The following DTX3L variants were observed in gnomAD, a reference collection of about 807,000 sequenced individuals.
The protein encoded by DTX3L is E3 ubiquitin-protein ligase DTX3L.
Under a neutral mutation model 60.9 loss-of-function variants are expected in DTX3L, and 34 were observed. That is an observed-to-expected ratio of 0.56 (90% CI 0.42 to 0.74). The LOEUF (loss-of-function observed/expected upper bound fraction) is 0.74. DTX3L is among the 30% of genes least tolerant of loss of function. DTX3L has a pLI of 0.00. For missense variants in DTX3L, 810 were observed against 874.0 expected (o/e 0.93, Z 0.92); for synonymous variants, 290 against 316.6 (o/e 0.92, Z 0.89).
At position 122,571,763 on chromosome 3, in the gene DTX3L, ATGTCTTAAAT is replaced by A. The variant is rs1559905485; in HGVS notation, c.*17_*26del. On this transcript the variant is annotated 3_prime_UTR_variant, in exon 5 of 5. Coordinates refer to ENST00000296161, the MANE Select transcript of DTX3L (RefSeq NM_138287.3). Reference sequence around the variant, plus strand: ...AATTGAGTAAGACAACTGCTGGAAGATGTCTTAAATCAAGCTTTCAAAAAAATATATTTTA... The same window carrying A: ...AATTGAGTAAGACAACTGCTGGAAGACAAGCTTTCAAAAAAATATATTTTA... 1 of 1,600,432 alleles carries A rather than the reference ATGTCTTAAAT, an allele frequency of 6.2e-7. No homozygotes were observed.
chr3:122,571,544 A>C (rs1407754116), intron 4 of DTX3L, 134 bp from the exon 5 acceptor site: 1 of 661,144 alleles, frequency 1.5e-6, no homozygotes, highest in African/African-American at 1.8e-5. Context: ...AAAAGTCATG[A>C]TACGTCATCC....
rs1395617091 is a variant in DTX3L at position 122,565,891 on chromosome 3, C to G, written c.220C>G (p.Gln74Glu). The change falls in exon 2 of 5, where the codon CAA becomes GAA. Residue 74 changes from glutamine (Q) to glutamate (E), a missense_variant. Coordinates refer to ENST00000296161, the MANE Select transcript of DTX3L (RefSeq NM_138287.3). ...GAGAGTGTTGAAAAAAGGAGAGCAC[C>G]AAATACTTGTTGACGAAAAACCTGT... Reference protein sequence around the residue: ...KERVLKKGEHQILVDEKPVPI... With the variant: ...KERVLKKGEHEILVDEKPVPI... 3 of 1,613,944 alleles carry G rather than the reference C, an allele frequency of 1.9e-6. No homozygotes were observed. The Admixed American group carries it at 5.0e-5, about 27-fold the overall frequency.
At chr3:122,567,071 G>A (rs140043736) in intron 2 of DTX3L, among the ~76,000 whole-genome samples, 1 of 152,294 alleles carries the variant, frequency 6.6e-6, no homozygotes, top group East Asian at 1.9e-4. Flanking sequence ...CCCAAGAGCT[G>A]ACATTTTGAG....
In DTX3L at chr3:122,572,089, A is replaced by G. The variant is rs925953811; in HGVS notation, c.*342A>G. The G allele has an allele frequency of 5.4e-6, 1 of 184,408 alleles. No individual in the cohort carries two copies. Among genetic ancestry groups the G allele is most frequent in the Admixed American group, 5.4e-5 (1 of 18,470 alleles). The allele number at this position is 184,408 out of a possible 1,614,324, so 11.4% of individuals were successfully genotyped here. ...ATGCCCGGCTAATTTTTGTTTTTGT[A>G]TTTTTAGTAGAGACAGGGTTTCACT... is the stretch of plus-strand genomic sequence containing the variant. On this transcript the variant is annotated 3_prime_UTR_variant, in exon 5 of 5. Transcript: ENST00000296161.
chr3:122,569,285 T>G lies in DTX3L; in HGVS notation c.1196T>G (p.Ile399Ser). The change falls in exon 3 of 5, where the codon ATC becomes AGC. Residue 399 changes from isoleucine (I) to serine (S), a missense_variant. Transcript: ENST00000296161. Reference protein sequence around the residue: ...ETELLQEISEIEKRYDICSKV... With the variant: ...ETELLQEISESEKRYDICSKV... ...GAATTACTACAGGAGATATCAGAGA[T>G]CGAAAAAAGGTATGACATTTGCAGC... is the stretch of plus-strand genomic sequence containing the variant. 4 of 1,614,032 alleles carry G rather than the reference T, an allele frequency of 2.5e-6. No homozygotes were observed. The highest frequency in any genetic ancestry group is 3.4e-6 in the Non-Finnish European group (4 of 1,180,006).
Position 122,568,931 on chromosome 3 carries a change from C to G in DTX3L, c.842C>G (p.Ser281Ter). The G allele has an allele frequency of 6.2e-7, 1 of 1,614,126 alleles. No individual in the cohort carries two copies. Residue 281 changes from serine to a stop codon, truncating the protein, a stop_gained, in exon 3 of 5, where the codon TCA (serine) becomes TGA (stop). Transcript: ENST00000296161. LOFTEE classifies it high-confidence loss of function. ...SPNMVCLDFT[S>*]SRSGDLEAAR... ...AATATGGTCTGTTTAGATTTCACCTCAAGTCGATCAGGTGACCTGGAAGCA... is the reference window on the plus strand; with the variant it reads ...AATATGGTCTGTTTAGATTTCACCTGAAGTCGATCAGGTGACCTGGAAGCA...
In DTX3L at chr3:122,571,702, C is replaced by A. The variant is rs763135267; in HGVS notation, c.2178C>A (p.Tyr726Ter). ...GGTATGGCTATCCTGATCCTTCTTA[C>A]CTGAAACGTGTCAAAGAGGAGCTGA... Reference protein sequence around the residue: ...PEMYGYPDPSYLKRVKEELKA... With the variant: ...PEMYGYPDPS Residue 726 changes from tyrosine to a stop codon, truncating the protein, a stop_gained, in exon 5 of 5, where the codon TAC (tyrosine) becomes TAA (stop). Coordinates refer to ENST00000296161, the MANE Select transcript of DTX3L (RefSeq NM_138287.3). LOFTEE classifies it high-confidence loss of function. 5 of 1,613,338 alleles carry A rather than the reference C, an allele frequency of 3.1e-6. No homozygotes were observed. In the Admixed American group the frequency reaches 8.3e-5, roughly 27 times the overall value.
Position 122,568,678 on chromosome 3 carries a change from C to T in DTX3L, c.589C>T (p.Gln197Ter). 6.2e-7 allele frequency: 1 copy of T among 1,614,120 alleles called. No homozygotes were observed. Among genetic ancestry groups the T allele is most frequent in the Non-Finnish European group, 8.5e-7 (1 of 1,180,018 alleles). ...GAGTGAGCAGTTCCTGGAAAGTGAG[C>T]AGAAACAACAATTTTCCCCTTCAAT... ...FLSEQFLESEQKQQFSPSMTE... is the reference protein window; with the variant it reads ...FLSEQFLESE Residue 197 changes from glutamine to a stop codon, truncating the protein, a stop_gained, in exon 3 of 5, where the codon CAG becomes TAG. Transcript: ENST00000296161. LOFTEE classifies it high-confidence loss of function.
intron 1 of DTX3L, among the ~76,000 whole-genome samples, chr3:122,565,535 AG>A (rs2080562056): frequency 5.7e-5 from 8 of 139,324 alleles, no homozygotes; most frequent in Non-Finnish European, 9.4e-5. Flanking sequence ...AAAAAAAAAA[AG>A]AAGGAAGGAA....
rs2080625864 is a variant in DTX3L at position 122,569,158 on chromosome 3, ATC to A, written c.1073_1074del (p.Ser358Ter). The A allele has an allele frequency of 6.2e-7, 1 of 1,614,112 alleles. No individual in the cohort carries two copies. The highest frequency in any genetic ancestry group is 8.5e-7 in the Non-Finnish European group (1 of 1,180,056). ...TGACATTTCAGCTGCCAAACAAAAA[ATC>A]TCTGAAGCTTTTGTCAAGATACCTG... ...QDDISAAKQK[I>X]SEAFVKIPVK... On this transcript the variant is annotated frameshift_variant, in exon 3 of 5. Transcript: ENST00000296161. LOFTEE classifies it high-confidence loss of function.
Position 122,571,887 on chromosome 3 carries a change from A to G in DTX3L, c.*140A>G. The G allele has an allele frequency of 4.5e-6, 3 of 659,854 alleles. No individual in the cohort carries two copies. Among genetic ancestry groups the G allele is most frequent in the Non-Finnish European group, 7.6e-6 (3 of 397,292 alleles). 40.9% of individuals were successfully genotyped at this position (659,854 alleles called of 1,614,324 possible). A position where few individuals can be genotyped will look rare whatever the true frequency, so the allele number is the denominator to read the frequency against. On this transcript the variant is annotated 3_prime_UTR_variant, in exon 5 of 5. Coordinates refer to ENST00000296161, the MANE Select transcript of DTX3L (RefSeq NM_138287.3). ...AGAAATGGTTTGTATAAGAATAACA[A>G]TCTGCTAGTCTGTCATTTCTGGAGT...
chr3:122,565,632 T>C (rs1469006002), intron 1 of DTX3L, among the ~76,000 whole-genome samples: 3 of 151,738 alleles, frequency 2.0e-5, no homozygotes, highest in African/African-American at 7.3e-5. Context: ...TGGACAATGT[T>C]CCATTGTCAT....
chr3:122,569,606 T>A lies in DTX3L; in HGVS notation c.1517T>A (p.Val506Asp). Residue 506 changes from valine (V) to aspartate (D), a missense_variant, in exon 3 of 5, where the codon GTT becomes GAT. Transcript: ENST00000296161. ...PNHLAKAKQY[V>D]LKGGGMSSLA... ...CACCTTGCAAAGGCGAAGCAGTATG[T>A]TCTAAAAGGAGGAGGAATGTCTTCA... The A allele has an allele frequency of 6.2e-7, 1 of 1,614,202 alleles. No individual in the cohort carries two copies. Among genetic ancestry groups the A allele is most frequent in the Non-Finnish European group, 8.5e-7 (1 of 1,180,034 alleles).
Position 122,569,721 on chromosome 3 carries a change from C to T in DTX3L, c.1632C>T (p.Gly544=). The change falls in exon 3 of 5, where the codon GGC becomes GGT. Residue 544 remains glycine (G), a synonymous_variant. Transcript: ENST00000296161. ...AAGCAGCTTCTCCGCCACTCAAGGG[C>T]TCTGTGAGTTCTGAGGCCTCAGAAC... ...DSKAASPPLK[G]SVSSEASELD... The T allele has an allele frequency of 6.2e-7, 1 of 1,614,150 alleles. No individual in the cohort carries two copies. The highest frequency in any genetic ancestry group is 8.5e-7 in the Non-Finnish European group (1 of 1,180,032).
rs140941427 is a variant in DTX3L, at chr3:122,569,836, G to C, written c.1747G>C (p.Ala583Pro). Residue 583 changes from alanine to proline, a missense_variant, in exon 3 of 5, where the codon GCC becomes CCC. Ala to Pro is a conservative substitution (Grantham distance 27). Transcript: ENST00000296161. ...VLPKCKHEFC[A>P]PCINKAMSYK... ...ACCAAAGTGCAAGCATGAATTCTGCGCCCCTTGTATCAACAAAGCCATGTC... is the reference window on the plus strand; with the variant it reads ...ACCAAAGTGCAAGCATGAATTCTGCCCCCCTTGTATCAACAAAGCCATGTC... The C allele has an allele frequency of 6.2e-7, 1 of 1,613,996 alleles. No homozygotes were observed. The highest frequency in any genetic ancestry group is 8.5e-7 in the Non-Finnish European group (1 of 1,180,010).
intron 3 of DTX3L, 75 bp downstream of exon 3, chr3:122,570,099 C>A: frequency 6.9e-7 from 1 of 1,452,360 alleles, no homozygotes; most frequent in Non-Finnish European, 9.6e-7. Flanking sequence ...TGTCCTGTTG[C>A]CTATTAGACA....
In DTX3L at chr3:122,569,042, C is replaced by A. The variant is rs746158472; in HGVS notation, c.953C>A (p.Ala318Glu). Reference protein sequence around the residue: ...ECVSLADSKQANKFKQELNHQ... With the variant: ...ECVSLADSKQENKFKQELNHQ... ...GTCTCTTTAGCAGACAGTAAGCAGG[C>A]AAATAAATTCAAACAGGAATTGAAT... is the stretch of plus-strand genomic sequence containing the variant. The change falls in exon 3 of 5, where the codon GCA becomes GAA. Residue 318 changes from alanine to glutamate, a missense_variant. Physicochemically the swap from Ala to Glu is moderately radical, Grantham distance 107. Coordinates refer to ENST00000296161, the MANE Select transcript of DTX3L (RefSeq NM_138287.3). The A allele has an allele frequency of 1.9e-6, 3 of 1,613,836 alleles. No homozygotes were observed. In the African/African-American group the frequency reaches 4.0e-5, roughly 22 times the overall value.
rs1379045818 is a variant in DTX3L, at chr3:122,573,233, C to T, written c.*1486C>T. The T allele has an allele frequency of 6.6e-6, 1 of 152,160 alleles. No homozygotes were observed. The highest frequency in any genetic ancestry group is 1.5e-5 in the Non-Finnish European group (1 of 68,042). 9.4% of individuals were successfully genotyped at this position (152,160 alleles called of 1,614,324 possible). A position where few individuals can be genotyped will look rare whatever the true frequency, so the allele number is the denominator to read the frequency against. The stretch of plus-strand genomic sequence containing the variant: ...TTCATGGGGGAATCTGCCCCCATGA[C>T]CCAGACCCCTCCCGTTAGGCTTCAC... On this transcript the variant is annotated 3_prime_UTR_variant, in exon 5 of 5. Transcript: ENST00000296161.
chr3:122,570,795 G>C, intron 4 of DTX3L, 123 bp downstream of exon 4: 2 of 984,092 alleles, frequency 2.0e-6, no homozygotes, highest in Non-Finnish European at 1.5e-6. Context: ...GAGAGCTGCT[G>C]ATCGGGGATG....
Sources: allele counts gnomAD v4.1 joint callset (sites outside exome capture counted in the v4.1 genomes callset), GRCh38; gene constraint gnomAD v4.1.1; transcripts MANE v1.5; gene names NCBI Gene and HGNC (gene_info 2026-07-23, HGNC 2026-07-21).